Variants in ATG10 observed in about 807,000 individuals in gnomAD.
ATG10 encodes the protein ubiquitin-like-conjugating enzyme ATG10.
ATG10 carries 30 observed loss-of-function variants against 32.1 expected under a neutral mutation model. That is an observed-to-expected ratio of 0.94 (90% CI 0.70 to 1.27). ATG10 has a LOEUF of 1.27. ATG10 is among the 50% of genes most tolerant of loss of function. ATG10 has a pLI of 0.00. For synonymous variants in ATG10, 87 were observed against 91.5 expected (o/e 0.95, Z 0.28); for missense variants, 233 against 262.3 (o/e 0.89, Z 0.77).
intron 2 of ATG10, among the ~76,000 whole-genome samples, chr5:82,053,148 C>T (rs1358927494): frequency 6.6e-6 from 1 of 152,208 alleles, no homozygotes; most frequent in African/African-American, 2.4e-5. Flanking sequence ...TTTGTCTATA[C>T]ATTCCCTTTC....
At chr5:81,982,899 G>A (rs1040989591) in intron 1 of ATG10, among the ~76,000 whole-genome samples, 2 of 152,218 alleles carry the variant, frequency 1.3e-5, no homozygotes, top group African/African-American at 4.8e-5. Flanking sequence ...CAGATCAACA[G>A]GATAAGAATT....
intron 3 of ATG10, among the ~76,000 whole-genome samples, chr5:82,153,542 T>A (rs1217081798): frequency 1.3e-5 from 2 of 152,098 alleles, no homozygotes; most frequent in Non-Finnish European, 2.9e-5. Flanking sequence ...CAAAAACAGT[T>A]CCTGAAAATC....
At chr5:82,075,778 T>A (rs1022763215) in intron 3 of ATG10, among the ~76,000 whole-genome samples, 1 of 151,964 alleles carries the variant, frequency 6.6e-6, no homozygotes, top group Non-Finnish European at 1.5e-5. Context: ...TCACTAAAAA[T>A]ACAAAAATTA....
intron 5 of ATG10, among the ~76,000 whole-genome samples, chr5:82,218,376 A>G (rs1581815708): frequency 6.6e-6 from 1 of 152,160 alleles, no homozygotes; most frequent in South Asian, 2.1e-4. Context: ...CCTTAAATTC[A>G]TATGTCTTAC....
intron 5 of ATG10, among the ~76,000 whole-genome samples, chr5:82,190,866 A>T (rs1438152913): frequency 2.0e-5 from 3 of 151,728 alleles, no homozygotes; most frequent in Non-Finnish European, 2.9e-5. Flanking sequence ...TGTTGTGAAC[A>T]CTGAGTTTTT....
intron 2 of ATG10, among the ~76,000 whole-genome samples, chr5:82,005,724 G>A (rs1297453165): frequency 6.6e-6 from 1 of 152,172 alleles, no homozygotes; most frequent in African/African-American, 2.4e-5. Flanking sequence ...TTTCATAAGT[G>A]ATTGATAAAA....
chr5:82,208,169 G>T (rs992477914), intron 5 of ATG10, among the ~76,000 whole-genome samples: 1 of 151,948 alleles, frequency 6.6e-6, no homozygotes, highest in Non-Finnish European at 1.5e-5. Context: ...GTTCCATTCA[G>T]TTGTTTCCTT....
chr5:82,188,402 A>C (rs1209181713), intron 5 of ATG10, among the ~76,000 whole-genome samples: 1 of 152,174 alleles, frequency 6.6e-6, no homozygotes, highest in African/African-American at 2.4e-5. Context: ...TGATCCCTGG[A>C]ATTACTATTT....
At chr5:82,141,928 A>G (rs568231804) in intron 3 of ATG10, among the ~76,000 whole-genome samples, 20 of 152,140 alleles carry the variant, frequency 1.3e-4, no homozygotes, top group Admixed American at 4.6e-4. Context: ...CACTGGTTCT[A>G]CTTTTTTGCC....
intron 1 of ATG10, among the ~76,000 whole-genome samples, chr5:81,980,076 T>C (rs934804037): frequency 1.3e-5 from 2 of 152,186 alleles, no homozygotes; most frequent in Admixed American, 1.3e-4. Context: ...CATCTCTCTG[T>C]TGCCTTGAAT....
At chr5:82,012,068 C>A (rs1398922462) in intron 2 of ATG10, among the ~76,000 whole-genome samples, 1 of 152,158 alleles carries the variant, frequency 6.6e-6, no homozygotes, top group East Asian at 1.9e-4. Context: ...ATCAGTTGAG[C>A]CTCTCTGGCA....
rs528033139 is a variant in ATG10 at position 81,983,639 on chromosome 5, G to A, written c.-12-3920G>A. On this transcript the variant is annotated intron_variant, in intron 1 of 7. Transcript: ENST00000282185. Reference sequence around the variant, plus strand: ...GACGGGGCGGCTGGCCGGGCGGGGGGGCTGACCCTCCCACCTCCCTCCCGG... The same window carrying A: ...GACGGGGCGGCTGGCCGGGCGGGGGAGCTGACCCTCCCACCTCCCTCCCGG... 4.6e-5 allele frequency among the ~76,000 whole-genome samples: 7 copies of A among 150,878 alleles called. No individual in the cohort carries two copies. In the South Asian group the frequency reaches 1.3e-3, roughly 27 times the overall value.
intron 2 of ATG10, among the ~76,000 whole-genome samples, chr5:82,019,770 C>T (rs1581604808): frequency 6.6e-6 from 1 of 152,186 alleles, no homozygotes; most frequent in Non-Finnish European, 1.5e-5. Flanking sequence ...TGCTGATTTG[C>T]TCATCTGCTC....
chr5:82,227,414 A>G (rs1402289093), intron 5 of ATG10, among the ~76,000 whole-genome samples: 1 of 151,996 alleles, frequency 6.6e-6, no homozygotes, highest in Non-Finnish European at 1.5e-5. Context: ...TCTATCTGTC[A>G]TCCAGGCTGG....
At chr5:82,166,165 G>A (rs189827967) in intron 4 of ATG10, among the ~76,000 whole-genome samples, 98 of 152,216 alleles carry the variant, frequency 6.4e-4, no homozygotes, top group Admixed American at 2.0e-3. Context: ...ATATTTTAAT[G>A]ACATTGGTGT....
At chr5:82,025,471 A>G (rs1762566916) in intron 2 of ATG10, among the ~76,000 whole-genome samples, 1 of 152,186 alleles carries the variant, frequency 6.6e-6, no homozygotes, top group Admixed American at 6.5e-5. Context: ...TGGTTGAACT[A>G]GGATGAGATT....
intron 3 of ATG10, among the ~76,000 whole-genome samples, chr5:82,152,320 T>G (rs1461714891): frequency 6.6e-6 from 1 of 152,166 alleles, no homozygotes; most frequent in African/African-American, 2.4e-5. Flanking sequence ...ATCTAGACAT[T>G]TGATTTTTGG....
chr5:82,178,558 C>T lies in ATG10; in HGVS notation c.424C>T (p.Gln142Ter), dbSNP rs1252772703. 1 of 1,611,694 alleles carries T rather than the reference C, an allele frequency of 6.2e-7. No individual in the cohort carries two copies. Among genetic ancestry groups the T allele is most frequent in the South Asian group, 1.1e-5 (1 of 90,992 alleles). Reference sequence around the variant, plus strand: ...TGAGTGCTATAAGATGCGACTGCTACAGGGACCATGGGACACTATTACGCA... The same window carrying T: ...TGAGTGCTATAAGATGCGACTGCTATAGGGACCATGGGACACTATTACGCA... ...VHECYKMRLL[Q>*]GPWDTITQQE... Residue 142 changes from glutamine (Q) to a stop codon, truncating the protein, a stop_gained, in exon 5 of 8, where the codon CAG becomes TAG. Transcript: ENST00000282185. LOFTEE classifies it high-confidence loss of function.
intron 5 of ATG10, among the ~76,000 whole-genome samples, chr5:82,214,849 A>G (rs1008721740): frequency 2.0e-5 from 3 of 152,196 alleles, no homozygotes; most frequent in African/African-American, 7.2e-5. Context: ...TCCTGGGCCC[A>G]GAGGACAGGG....
Sources: gnomAD v4.1 joint callset for allele counts (sites outside exome capture counted in the v4.1 genomes callset) on GRCh38, gnomAD v4.1.1 for gene constraint, MANE v1.5 for transcripts, NCBI Gene and HGNC (gene_info 2026-07-23, HGNC 2026-07-21) for gene names.